The following FGGY variants were observed in gnomAD, a reference collection of about 807,000 sequenced individuals.
FGGY encodes the protein FGGY carbohydrate kinase domain-containing protein.
In FGGY, 72 loss-of-function variants were observed where a neutral mutation model predicts 71.3. The ratio of observed to expected loss-of-function variants is 1.01; its 90% confidence interval spans 0.84 to 1.23. The LOEUF (loss-of-function observed/expected upper bound fraction) is 1.23, where lower values mean the gene tolerates loss of function less well. FGGY is among the 50% of genes most tolerant of loss of function. The pLI, the probability that FGGY is intolerant of heterozygous loss-of-function variation, is 0.00. For missense variants in FGGY, 668 were observed against 682.3 expected, an observed-to-expected ratio of 0.98 and a Z score of 0.23; for synonymous variants, 251 against 250.3, an observed-to-expected ratio of 1.00 and a Z score of -0.02.
intron 11 of FGGY, 92 bp from the exon 12 acceptor site, chr1:59,660,127 A>G: frequency 8.6e-7 from 1 of 1,162,982 alleles, no homozygotes; most frequent in Middle Eastern, 2.0e-4. Flanking sequence ...TTTCGGCAAG[A>G]AAACACATCT....
At chr1:59,717,745 A>G (rs1321725258) in intron 14 of FGGY, among the ~76,000 whole-genome samples, 1 of 152,212 alleles carries the variant, frequency 6.6e-6, no homozygotes, top group Non-Finnish European at 1.5e-5. Flanking sequence ...TACTGGCACT[A>G]TGTGAAGAAG....
intron 8 of FGGY, among the ~76,000 whole-genome samples, chr1:59,583,436 A>G (rs1375681841): frequency 7.0e-6 from 1 of 143,750 alleles, no homozygotes; most frequent in Non-Finnish European, 1.5e-5. Flanking sequence ...TGAATAATTC[A>G]TTTGATATTT....
chr1:59,760,519 G>T (rs142355905), intron 15 of FGGY, among the ~76,000 whole-genome samples: 1 of 152,332 alleles, frequency 6.6e-6, no homozygotes, highest in African/African-American at 2.4e-5. Flanking sequence ...CATTATTCAT[G>T]ATAGCGAAAA....
At chr1:59,313,234 C>T (rs575388741) in intron 1 of FGGY, among the ~76,000 whole-genome samples, 2 of 152,288 alleles carry the variant, frequency 1.3e-5, no homozygotes, top group East Asian at 3.9e-4. Flanking sequence ...TCATCATCTC[C>T]CAAAGGTCCC....
At chr1:59,493,107 A>ACT (rs2093925811) in intron 6 of FGGY, among the ~76,000 whole-genome samples, 2 of 149,770 alleles carry the variant, frequency 1.3e-5, no homozygotes, top group Admixed American at 1.3e-4. Flanking sequence ...ACACACACAC[A>ACT]CACACACACA....
intron 8 of FGGY, among the ~76,000 whole-genome samples, chr1:59,597,493 G>A (rs1286335371): frequency 5.3e-5 from 8 of 152,084 alleles, no homozygotes; most frequent in Admixed American, 4.6e-4. Flanking sequence ...AATCAAGATA[G>A]TGTCAAGTCT....
chr1:59,370,307 C>A (rs181876875), intron 4 of FGGY, among the ~76,000 whole-genome samples: 44 of 150,290 alleles, frequency 2.9e-4, no homozygotes, highest in Admixed American at 9.3e-4. Flanking sequence ...TGGAAGAAAG[C>A]GATGGAAGAT....
At chr1:59,413,106 C>T (rs1262518369) in intron 5 of FGGY, among the ~76,000 whole-genome samples, 1 of 152,202 alleles carries the variant, frequency 6.6e-6, no homozygotes, top group East Asian at 1.9e-4. Flanking sequence ...TGGCAGATTT[C>T]TATCCTTAGC....
intron 11 of FGGY, among the ~76,000 whole-genome samples, chr1:59,653,705 C>T (rs1057271791): frequency 6.6e-6 from 1 of 152,238 alleles, no homozygotes. Context: ...GCGGAAATCA[C>T]CCGTCTTCTG....
chr1:59,338,664 TCTAC>T (rs2050073253), intron 2 of FGGY, among the ~76,000 whole-genome samples: 1 of 152,158 alleles, frequency 6.6e-6, no homozygotes, highest in African/African-American at 2.4e-5. Context: ...CAGTTGCCTC[TCTAC>T]CTCTTTTTAA....
chr1:59,365,745 A>G (rs1321994236), intron 4 of FGGY, among the ~76,000 whole-genome samples: 1 of 152,200 alleles, frequency 6.6e-6, no homozygotes, highest in Non-Finnish European at 1.5e-5. Context: ...GAAGAATTAT[A>G]CAGGTCAGAT....
At chr1:59,657,822 G>T (rs761448445) in intron 11 of FGGY, among the ~76,000 whole-genome samples, 16 of 152,180 alleles carry the variant, frequency 1.1e-4, no homozygotes, top group Non-Finnish European at 2.1e-4. Context: ...ATGAGAAAGG[G>T]TAAGTTTAGG....
In FGGY at chr1:59,667,922, G is replaced by T. The variant is rs767391913; in HGVS notation, c.1417+519G>T. ...GTTTGGGACCTAATGGCAGCTCAGG[G>T]CGTGTGGTCTGGAAGAAGTGATAAG... On this transcript the variant is annotated intron_variant, in intron 13 of 15. Coordinates refer to ENST00000303721, the MANE Select transcript of FGGY (RefSeq NM_018291.5). 1.1e-4 allele frequency among the ~76,000 whole-genome samples: 16 copies of T among 152,296 alleles called. 1 individual carries two copies. The highest frequency in any genetic ancestry group is 6.8e-3 in the Middle Eastern group (2 of 294).
Position 59,398,774 on chromosome 1 carries a change from A to C in FGGY, c.554+19937A>C, listed in dbSNP as rs183800296. Among the ~76,000 whole-genome samples the C allele has an allele frequency of 4.2e-3, 645 of 152,314 alleles. 5 individuals are homozygous for C. The highest frequency in any genetic ancestry group is 0.015 in the African/African-American group (610 of 41,576). ...TATACTAGAACCTCATTTGCTGATT[A>C]AATTGTAAAATTCCTAATTGCAACT... On this transcript the variant is annotated intron_variant, in intron 5 of 15. Transcript: ENST00000303721.
intron 8 of FGGY, among the ~76,000 whole-genome samples, chr1:59,581,132 G>T (rs1481733803): frequency 7.3e-6 from 1 of 137,546 alleles, no homozygotes; most frequent in African/African-American, 3.2e-5. Flanking sequence ...CACCTCCATA[G>T]TGAGATCTGC....
In FGGY at chr1:59,334,871, TTAATCGATAAA is replaced by T. The variant is rs2049172123; in HGVS notation, c.202-5085_202-5075del. Among the ~76,000 whole-genome samples the T allele has an allele frequency of 2.0e-5, 3 of 152,180 alleles. No homozygotes were observed. The South Asian group carries it at 6.2e-4, about 31-fold the overall frequency. ...ATAGAAACAAAAATAAAAAATAGAA[TTAATCGATAAA>T]TCTATTATTCTACAACTTTAAAAAT... On this transcript the variant is annotated intron_variant, in intron 2 of 15. Coordinates refer to ENST00000303721, the MANE Select transcript of FGGY (RefSeq NM_018291.5).
rs772980017 is a variant in FGGY, at chr1:59,667,319, G to T, written c.1333G>T (p.Ala445Ser). The change falls in exon 13 of 16, where the codon GCA becomes TCA. Residue 445 changes from alanine to serine, a missense_variant. By Grantham distance (99) the Ala-to-Ser change is moderately conservative. Transcript: ENST00000303721. ...CTTCATTATAGAAGCCATGGAGGCA[G>T]CAGGGCACTCAATCAGTACTCTTTT... ...TRFIIEAMEA[A>S]GHSISTLFLC... 1 of 1,614,176 alleles carries T rather than the reference G, an allele frequency of 6.2e-7. No homozygotes were observed. The highest frequency in any genetic ancestry group is 8.5e-7 in the Non-Finnish European group (1 of 1,180,002).
At chr1:59,503,429 A>AACCAGACTTG (rs1553251410) in intron 6 of FGGY, among the ~76,000 whole-genome samples, 2 of 151,740 alleles carry the variant, frequency 1.3e-5, no homozygotes, top group Admixed American at 1.3e-4. Flanking sequence ...GGACTTCTTG[A>AACCAGACTTG]ACCAGACTTG....
chr1:59,385,817 C>G (rs2060007112), intron 5 of FGGY, among the ~76,000 whole-genome samples: 1 of 151,926 alleles, frequency 6.6e-6, no homozygotes, highest in Non-Finnish European at 1.5e-5. Context: ...TCCAAGCTTC[C>G]TAGTGGCCAA....
Sources: allele counts gnomAD v4.1 joint callset (sites outside exome capture counted in the v4.1 genomes callset), GRCh38; gene constraint gnomAD v4.1.1; transcripts MANE v1.5; gene names NCBI Gene and HGNC (gene_info 2026-07-23, HGNC 2026-07-21).